EXOC6B: variants seen among roughly 807,000 people sequenced by gnomAD.
EXOC6B encodes SEC15 homolog B.
EXOC6B carries 54 observed loss-of-function variants against 113.5 expected under a neutral mutation model. The observed-to-expected ratio is 0.48, with a 90% CI of 0.38 to 0.60. The LOEUF is 0.60. Among genes scored for constraint, EXOC6B ranks in the 20% least tolerant of loss-of-function variants. The probability of loss-of-function intolerance (pLI) is 0.00; values close to 1 mark genes in which losing one functional copy is unlikely to be tolerated. For missense variants in EXOC6B, 797 were observed against 977.5 expected (o/e 0.82, Z 2.46); for synonymous variants, 357 against 339.0 (o/e 1.05, Z -0.58).
chr2:72,352,228 G>A (rs780631407), intron 19 of EXOC6B, among the ~76,000 whole-genome samples: 20 of 152,070 alleles, frequency 1.3e-4, no homozygotes, highest in Non-Finnish European at 2.9e-4. Context: ...CCATCCAAAT[G>A]TACATTATCC....
At chr2:72,631,879 G>C (rs1267298504) in intron 6 of EXOC6B, among the ~76,000 whole-genome samples, 1 of 151,818 alleles carries the variant, frequency 6.6e-6, no homozygotes, top group Admixed American at 6.6e-5. Context: ...ACTTTGCAGG[G>C]GTTACATATT....
At chr2:72,639,874 C>T (rs1033539407) in intron 6 of EXOC6B, among the ~76,000 whole-genome samples, 2 of 152,136 alleles carry the variant, frequency 1.3e-5, no homozygotes, top group African/African-American at 4.8e-5. Context: ...CAAAGGTCAG[C>T]AAGCTCAAGG....
intron 8 of EXOC6B, among the ~76,000 whole-genome samples, chr2:72,524,171 A>AAAAAG (rs1385758336): frequency 2.0e-5 from 3 of 149,518 alleles, no homozygotes; most frequent in Non-Finnish European, 4.4e-5. Context: ...AAAAAAAAAA[A>AAAAAG]CTGAAAGGGC....
rs1251077576 is a variant in EXOC6B, at chr2:72,666,812, CACACACACACAA to C, written c.669+51279_669+51290del. Among the ~76,000 whole-genome samples the C allele has an allele frequency of 3.4e-4, 51 of 150,958 alleles. No individual in the cohort carries two copies. The South Asian group carries it at 3.6e-3, about 11-fold the overall frequency. ...ACACACACACACACACACACACACA[CACACACACACAA>C]AGAAATGCCTAAGTATACATCTGAT... is the stretch of plus-strand genomic sequence containing the variant. On this transcript the variant is annotated intron_variant, in intron 6 of 21. Coordinates refer to ENST00000272427, the MANE Select transcript of EXOC6B (RefSeq NM_015189.3).
chr2:72,673,032 CAT>C (rs1177829508), intron 6 of EXOC6B, among the ~76,000 whole-genome samples: 2 of 152,078 alleles, frequency 1.3e-5, no homozygotes, highest in Non-Finnish European at 2.9e-5. Context: ...CAAATTATCA[CAT>C]ATACCCTGAA....
intron 19 of EXOC6B, among the ~76,000 whole-genome samples, chr2:72,374,930 CA>C (rs1258765173): frequency 6.6e-6 from 1 of 151,466 alleles, no homozygotes; most frequent in Non-Finnish European, 1.5e-5. Flanking sequence ...AAGCTGTGTA[CA>C]ACTTCATATT....
At chr2:72,367,334 T>C (rs894855940) in intron 19 of EXOC6B, among the ~76,000 whole-genome samples, 4 of 3,024 alleles carry the variant, frequency 1.3e-3, no homozygotes, top group Admixed American at 0.012. Context: ...CACTGATTAA[T>C]CTAAAAAAAA....
At chr2:72,289,112 C>A in intron 20 of EXOC6B, 1 of 281,960 alleles carries the variant, frequency 3.5e-6, no homozygotes, top group South Asian at 4.8e-5. Flanking sequence ...GATTCTTTTT[C>A]TAGAGATGTA....
chr2:72,465,959 T>C (rs910644360), intron 17 of EXOC6B, among the ~76,000 whole-genome samples: 1 of 152,156 alleles, frequency 6.6e-6, no homozygotes, highest in Non-Finnish European at 1.5e-5. Flanking sequence ...GCTTCCAGTA[T>C]CTCTATCTTC....
chr2:72,388,603 G>A (rs1223740887), intron 18 of EXOC6B, among the ~76,000 whole-genome samples: 2 of 152,028 alleles, frequency 1.3e-5, no homozygotes. Context: ...TAGCTTTACT[G>A]ATACCCTATT....
chr2:72,671,241 G>C (rs964323920), intron 6 of EXOC6B, among the ~76,000 whole-genome samples: 1 of 152,180 alleles, frequency 6.6e-6, no homozygotes, highest in Non-Finnish European at 1.5e-5. Context: ...AAGAATGGAA[G>C]AAAATGTTTG....
chr2:72,809,812 C>G (rs1199697608), intron 1 of EXOC6B, among the ~76,000 whole-genome samples: 3 of 152,250 alleles, frequency 2.0e-5, no homozygotes, highest in South Asian at 2.1e-4. Flanking sequence ...CACCACCCCT[C>G]TCTCAACAAT....
In EXOC6B at chr2:72,499,886, A is replaced by G. The variant is rs376548948; in HGVS notation, c.1239+15T>C. The G allele has an allele frequency of 2.3e-5, 35 of 1,528,432 alleles. No homozygotes were observed. In the African/African-American group the frequency reaches 4.4e-4, roughly 19 times the overall value. The allele number at this position is 1,528,432 out of a possible 1,614,324, so 94.7% of individuals were successfully genotyped here. ...TACCAATCTAGATGAGCATATGTAAACAGAAATCACATACCTGAAGTGTGT... is the reference window on the plus strand; with the variant it reads ...TACCAATCTAGATGAGCATATGTAAGCAGAAATCACATACCTGAAGTGTGT... On this transcript the variant is annotated intron_variant, in intron 12 of 21. Coordinates refer to ENST00000272427, the MANE Select transcript of EXOC6B (RefSeq NM_015189.3).
chr2:72,652,975 A>T (rs1266427231), intron 6 of EXOC6B, among the ~76,000 whole-genome samples: 1 of 151,742 alleles, frequency 6.6e-6, no homozygotes, highest in Non-Finnish European at 1.5e-5. Flanking sequence ...GTGAGACCTC[A>T]GTTATATATA....
chr2:72,611,828 T>C (rs1671088923), intron 6 of EXOC6B, among the ~76,000 whole-genome samples: 1 of 152,130 alleles, frequency 6.6e-6, no homozygotes, highest in Non-Finnish European at 1.5e-5. Context: ...AATTATATGA[T>C]AAAAGTTTAT....
chr2:72,321,192 C>T (rs924532611), intron 20 of EXOC6B, among the ~76,000 whole-genome samples: 2 of 152,152 alleles, frequency 1.3e-5, no homozygotes, highest in African/African-American at 4.8e-5. Flanking sequence ...GTTAAACATA[C>T]ACTTACTATA....
chr2:72,205,737 T>C (rs1679803345), intron 20 of EXOC6B, among the ~76,000 whole-genome samples: 1 of 152,172 alleles, frequency 6.6e-6, no homozygotes, highest in East Asian at 1.9e-4. Flanking sequence ...TTAGCTTAGC[T>C]CTGACTCTCA....
At chr2:72,766,974 G>GA (rs1204849107) in intron 1 of EXOC6B, among the ~76,000 whole-genome samples, 44 of 142,956 alleles carry the variant, frequency 3.1e-4, no homozygotes, top group East Asian at 1.2e-3. Context: ...AAAAAAAAAG[G>GA]AAAAAAAAAA....
chr2:72,247,539 T>C (rs1682745022), intron 20 of EXOC6B, among the ~76,000 whole-genome samples: 1 of 152,226 alleles, frequency 6.6e-6, no homozygotes, highest in African/African-American at 2.4e-5. Context: ...GATAATATAC[T>C]GTGATGAACT....
Sources: allele counts gnomAD v4.1 joint callset (sites outside exome capture counted in the v4.1 genomes callset), GRCh38; gene constraint gnomAD v4.1.1; transcripts MANE v1.5; gene names NCBI Gene and HGNC (gene_info 2026-07-23, HGNC 2026-07-21).